TIPARP: variants seen among roughly 807,000 people sequenced by gnomAD.
TIPARP encodes the protein TCDD inducible poly(ADP-ribose) polymerase.
A neutral mutation model predicts 56.5 loss-of-function variants in TIPARP; 12 were observed. The ratio of observed to expected loss-of-function variants is 0.21; its 90% CI spans 0.14 to 0.34. TIPARP has a LOEUF of 0.34. TIPARP is among the 10% of genes least tolerant of loss of function. The pLI, the probability that TIPARP is intolerant of heterozygous loss-of-function variation, is 1.00. For missense variants in TIPARP, 604 were observed against 781.6 expected, an observed-to-expected ratio of 0.77 and a Z score of 2.71; for synonymous variants, 296 against 265.7, an observed-to-expected ratio of 1.11 and a Z score of -1.11.
chr3:156,703,460 T>C lies in TIPARP; in HGVS notation c.1284T>C (p.Pro428=), dbSNP rs1261998325. 1 of 1,614,106 alleles carries C rather than the reference T, an allele frequency of 6.2e-7. No individual in the cohort carries two copies. The highest frequency in any genetic ancestry group is 1.7e-5 in the Admixed American group (1 of 60,006). ...LGGVPTQAPP[P]LEATSSSQII... ...GGGTTCCCACACAAGCTCCTCCACC[T>C]CTTGAAGCAACTTCATCATCACAAA... Residue 428 remains proline (P), a synonymous_variant, in exon 5 of 6, where the codon CCT becomes CCC. Transcript: ENST00000295924.
chr3:156,677,441 T>A (rs911760658), intron 1 of TIPARP, among the ~76,000 whole-genome samples: 1 of 152,224 alleles, frequency 6.6e-6, no homozygotes, highest in Non-Finnish European at 1.5e-5. Flanking sequence ...TGAAAGACTC[T>A]TCTACTTTTA....
At chr3:156,679,905 C>T (rs1357993994) in intron 2 of TIPARP, among the ~76,000 whole-genome samples, 1 of 152,130 alleles carries the variant, frequency 6.6e-6, no homozygotes, top group Non-Finnish European at 1.5e-5. Context: ...AGCTTGTTCG[C>T]ATTACAGAAA....
At chr3:156,703,899 G>A (rs1241708075) in intron 5 of TIPARP, among the ~76,000 whole-genome samples, 197 bp downstream of exon 5, 2 of 151,772 alleles carry the variant, frequency 1.3e-5, no homozygotes, top group Non-Finnish European at 2.9e-5. Flanking sequence ...TGTAGTCCCA[G>A]CTACTCGGGA....
At chr3:156,687,655 T>A (rs1722464814) in intron 2 of TIPARP, among the ~76,000 whole-genome samples, 1 of 152,146 alleles carries the variant, frequency 6.6e-6, no homozygotes, top group African/African-American at 2.4e-5. Flanking sequence ...TTTGTTTAGC[T>A]CCCCACATGC....
rs766929028 is a variant in TIPARP, at chr3:156,677,959, C to A, written c.262C>A (p.Pro88Thr). 1.2e-6 allele frequency: 2 copies of A among 1,614,086 alleles called. No individual in the cohort carries two copies. Among genetic ancestry groups the A allele is most frequent in the Non-Finnish European group, 1.7e-6 (2 of 1,180,024 alleles). ...TACAGATGAGAACAGCTTACATGAACCTATGATGAAGAAAGCCATGGAAAT... is the reference window on the plus strand; with the variant it reads ...TACAGATGAGAACAGCTTACATGAAACTATGATGAAGAAAGCCATGGAAAT... ...QSTDENSLHEPMMKKAMEINS... is the reference protein window; with the variant it reads ...QSTDENSLHETMMKKAMEINS... The change falls in exon 2 of 6, where the codon CCT becomes ACT. Residue 88 changes from proline (P) to threonine (T), a missense_variant. Pro to Thr is a conservative substitution (Grantham distance 38). This residue lies in a region of TIPARP where 261 missense variants were observed against 279.2 expected (regional missense o/e 0.93). Transcript: ENST00000295924.
chr3:156,702,638 T>C (rs1722880709), intron 4 of TIPARP, among the ~76,000 whole-genome samples: 1 of 152,218 alleles, frequency 6.6e-6, no homozygotes, highest in Non-Finnish European at 1.5e-5. Flanking sequence ...CACTTCTCTT[T>C]TTCTCCATTT....
chr3:156,698,940 G>A (rs1722782446), intron 4 of TIPARP, among the ~76,000 whole-genome samples: 1 of 152,196 alleles, frequency 6.6e-6, no homozygotes, highest in Non-Finnish European at 1.5e-5. Context: ...TTTGGAAGAA[G>A]TTTATTTCAG....
chr3:156,698,726 A>C (rs1473295060), intron 4 of TIPARP, among the ~76,000 whole-genome samples: 4 of 152,236 alleles, frequency 2.6e-5, no homozygotes, highest in Non-Finnish European at 5.9e-5. Context: ...TCTGCAGCCC[A>C]CTTATCAAGT....
chr3:156,688,854 A>C (rs1722499299), intron 2 of TIPARP, among the ~76,000 whole-genome samples: 4 of 152,184 alleles, frequency 2.6e-5, no homozygotes, highest in African/African-American at 9.6e-5. Context: ...CAGTAGCGGA[A>C]CCTCAAGTAC....
At position 156,677,233 on chromosome 3, in the gene TIPARP, A is replaced by G. The variant is rs1379188654; in HGVS notation, c.-41-424A>G. Among the ~76,000 whole-genome samples the G allele has an allele frequency of 3.3e-5, 5 of 152,322 alleles. No homozygotes were observed. In the South Asian group the frequency reaches 8.3e-4, roughly 25 times the overall value. On this transcript the variant is annotated intron_variant, in intron 1 of 5. Coordinates refer to ENST00000295924, the MANE Select transcript of TIPARP (RefSeq NM_015508.5). ...TAAAGAAACTTTTTGTCAACTCATG[A>G]GATAGGTGATACATAAACAACTATA... is the stretch of plus-strand genomic sequence containing the variant.
intron 4 of TIPARP, among the ~76,000 whole-genome samples, chr3:156,700,082 TTTTTTTA>T (rs1254105255): frequency 5.3e-5 from 8 of 151,934 alleles, no homozygotes; most frequent in East Asian, 1.9e-4. Flanking sequence ...AACTTTTTTA[TTTTTTTA>T]TTTTTTATTT....
Position 156,695,911 on chromosome 3 carries a change from A to G in TIPARP, c.1133A>G (p.Glu378Gly). The change falls in exon 4 of 6, where the codon GAG becomes GGG. Residue 378 changes from glutamate to glycine, a missense_variant. Transcript: ENST00000295924. ...GAAGCCAACTCTCGGGGTCTGAAAG[A>G]GGTTCGATTTATGATGTGGAATAAC... ...IEEANSRGLK[E>G]VRFMMWNNHY... 2 of 1,607,358 alleles carry G rather than the reference A, an allele frequency of 1.2e-6. No individual in the cohort carries two copies. The highest frequency in any genetic ancestry group is 8.5e-7 in the Non-Finnish European group (1 of 1,177,850).
In TIPARP at chr3:156,704,361, A is replaced by G. The variant is rs139205407; in HGVS notation, c.1527-323A>G. 3.0e-3 allele frequency among the ~76,000 whole-genome samples: 464 copies of G among 152,336 alleles called. 1 individual carries two copies. The highest frequency in any genetic ancestry group is 0.011 in the African/African-American group (450 of 41,582). ...AATGAAGGACAAATGGAGGGAATAC[A>G]TTTAGATTTCAGGAATCTCAGAATC... On this transcript the variant is annotated intron_variant, in intron 5 of 5. Transcript: ENST00000295924.
At chr3:156,689,736 G>T (rs1006758914) in intron 2 of TIPARP, among the ~76,000 whole-genome samples, 2 of 152,182 alleles carry the variant, frequency 1.3e-5, no homozygotes, top group Non-Finnish European at 2.9e-5. Context: ...AACTGGGTGT[G>T]CCTCTTGCAC....
At chr3:156,699,766 A>C (rs1722800944) in intron 4 of TIPARP, among the ~76,000 whole-genome samples, 1 of 152,180 alleles carries the variant, frequency 6.6e-6, no homozygotes, top group Non-Finnish European at 1.5e-5. Flanking sequence ...TTTTTCTTTT[A>C]AAAATTTTCT....
chr3:156,676,125 T>C (rs969644174), intron 1 of TIPARP, among the ~76,000 whole-genome samples: 4 of 152,200 alleles, frequency 2.6e-5, no homozygotes, highest in African/African-American at 7.2e-5. Flanking sequence ...GGAGAGGGAA[T>C]ACCACAATCT....
In TIPARP at chr3:156,706,422, C is replaced by T. The variant is rs1333330965; in HGVS notation, c.*1291C>T. ...TTTACACAAAACTTTTCAGGAACTT[C>T]TGTGTTGTTTAAGCAAGATGTATCT... On this transcript the variant is annotated 3_prime_UTR_variant, in exon 6 of 6. Transcript: ENST00000295924. 1 of 152,638 alleles carries T rather than the reference C, an allele frequency of 6.6e-6. No individual in the cohort carries two copies. Among genetic ancestry groups the T allele is most frequent in the Admixed American group, 6.5e-5 (1 of 15,286 alleles). The allele number at this position is 152,638 out of a possible 1,614,324, so 9.5% of individuals were successfully genotyped here.
rs73168636 is a variant in TIPARP, at chr3:156,692,397, T to G, written c.918-1623T>G. On this transcript the variant is annotated intron_variant, in intron 2 of 5. Transcript: ENST00000295924. The stretch of plus-strand genomic sequence containing the variant: ...CACTTTTTAGGATTTCCCAGAAACA[T>G]TTTTCTATTTGAATTAAATATTCCT... Among the ~76,000 whole-genome samples, 1,118 of 152,232 alleles carry G rather than the reference T, an allele frequency of 7.3e-3. 5 individuals are homozygous for G. Among genetic ancestry groups the G allele is most frequent in the Non-Finnish European group, 0.012 (836 of 67,974 alleles).
In TIPARP at chr3:156,703,522, A is replaced by G. The variant is rs1722902821; in HGVS notation, c.1346A>G (p.Tyr449Cys). ...GATGGGGTCACTTCAGCAAACTTTT[A>G]CCCTGAAACTTGGGTTTATATGCAT... ...CPDGVTSANFYPETWVYMHPS... is the reference protein window; with the variant it reads ...CPDGVTSANFCPETWVYMHPS... The change falls in exon 5 of 6, where the codon TAC becomes TGC. Residue 449 changes from tyrosine to cysteine, a missense_variant. Tyr to Cys is a radical substitution (Grantham distance 194, BLOSUM62 -2). Transcript: ENST00000295924. 6.2e-7 allele frequency: 1 copy of G among 1,614,040 alleles called. No individual in the cohort carries two copies. The highest frequency in any genetic ancestry group is 8.5e-7 in the Non-Finnish European group (1 of 1,180,038).
Sources: gnomAD v4.1 joint callset for allele counts (sites outside exome capture counted in the v4.1 genomes callset) on GRCh38, gnomAD v4.1.1 for gene constraint, gnomAD v4.1.1 regional missense constraint, MANE v1.5 for transcripts, NCBI Gene and HGNC (gene_info 2026-07-23, HGNC 2026-07-21) for gene names.